The following TAFA4 variants were observed in gnomAD, a reference collection of about 807,000 sequenced individuals.
The protein encoded by TAFA4 is TAFA chemokine like family member 4, also known as chemokine-like protein TAFA-4.
Under a neutral mutation model 21.1 loss-of-function variants are expected in TAFA4, and 20 were observed. That is an observed-to-expected ratio of 0.95 (90% confidence interval 0.67 to 1.38). The LOEUF is 1.38. Ranked by LOEUF, TAFA4 falls within the 40% of genes most tolerant of loss-of-function variation. The probability of loss-of-function intolerance (pLI) is 0.00; values close to 1 mark genes in which losing one functional copy is unlikely to be tolerated. For synonymous variants in TAFA4, 71 were observed against 67.4 expected (o/e 1.05, Z -0.26); for missense variants, 211 against 180.9 (o/e 1.17, Z -0.95).
At chr3:68,803,260 A>G (rs1703615329) in intron 3 of TAFA4, among the ~76,000 whole-genome samples, 1 of 152,214 alleles carries the variant, frequency 6.6e-6, no homozygotes, top group African/African-American at 2.4e-5. Context: ...GAATAATTTA[A>G]AGAGAACAAT....
At chr3:68,738,968 G>A (rs1285113246) in intron 5 of TAFA4, 107 bp downstream of exon 5, 1 of 1,491,078 alleles carries the variant, frequency 6.7e-7, no homozygotes, top group South Asian at 1.3e-5. Context: ...GCCCAAGCAG[G>A]TTTATTAACA....
chr3:68,850,920 C>T (rs1346816479), intron 3 of TAFA4, among the ~76,000 whole-genome samples: 8 of 152,074 alleles, frequency 5.3e-5, no homozygotes, highest in Non-Finnish European at 1.5e-5. Flanking sequence ...GCTTTTGTAG[C>T]CATTGCTTTT....
At chr3:68,789,862 C>A (rs1172615389) in intron 3 of TAFA4, among the ~76,000 whole-genome samples, 2 of 152,142 alleles carry the variant, frequency 1.3e-5, no homozygotes, top group Admixed American at 1.3e-4. Flanking sequence ...ACCGTGGTAA[C>A]CTCTCACCTC....
intron 3 of TAFA4, among the ~76,000 whole-genome samples, chr3:68,870,241 G>C (rs1259440016): frequency 6.6e-6 from 1 of 152,030 alleles, no homozygotes; most frequent in Non-Finnish European, 1.5e-5. Flanking sequence ...TCATGGGTTA[G>C]AAGAATTAAT....
rs554627444 is a variant in TAFA4, at chr3:68,773,814, G to A, written c.131-20796C>T. Among the ~76,000 whole-genome samples the A allele has an allele frequency of 3.3e-5, 5 of 152,188 alleles. No homozygotes were observed. In the South Asian group the frequency reaches 8.3e-4, roughly 25 times the overall value. ...TGACAGATGAAGATTAAGAGCAGAG[G>A]CACTTAAGAAGACATGAGAAGGACA... On this transcript the variant is annotated intron_variant, in intron 3 of 5. Transcript: ENST00000295569.
chr3:68,777,325 G>A (rs1016679377), intron 3 of TAFA4, among the ~76,000 whole-genome samples: 1 of 152,030 alleles, frequency 6.6e-6, no homozygotes, highest in African/African-American at 2.4e-5. Context: ...CATATTTTAA[G>A]CTTCAGGGTA....
intron 3 of TAFA4, among the ~76,000 whole-genome samples, chr3:68,828,544 T>C (rs1704307088): frequency 6.6e-6 from 1 of 152,190 alleles, no homozygotes; most frequent in Non-Finnish European, 1.5e-5. Context: ...GGGTCCTCTT[T>C]TATTTCATTG....
chr3:68,798,165 C>A (rs1010938294), intron 3 of TAFA4, among the ~76,000 whole-genome samples: 1 of 152,064 alleles, frequency 6.6e-6, no homozygotes, highest in Non-Finnish European at 1.5e-5. Flanking sequence ...TTTTATGATA[C>A]CTAGGTACCA....
intron 3 of TAFA4, among the ~76,000 whole-genome samples, chr3:68,788,760 C>T (rs9815927): frequency 0.64 from 97,770 of 151,970 alleles, 31,714 homozygotes; most frequent in South Asian, 0.82. Context: ...TACAGGCACA[C>T]GCCACCATAC....
chr3:68,831,338 C>G (rs1395053531), intron 3 of TAFA4, among the ~76,000 whole-genome samples: 1 of 151,998 alleles, frequency 6.6e-6, no homozygotes, highest in Non-Finnish European at 1.5e-5. Flanking sequence ...TTGTCCCTTT[C>G]CATGTTTAGT....
chr3:68,791,998 C>G (rs1203989055), intron 3 of TAFA4, among the ~76,000 whole-genome samples: 1 of 152,162 alleles, frequency 6.6e-6, no homozygotes, highest in African/African-American at 2.4e-5. Context: ...AAAAAAAACT[C>G]TGAGACTGTC....
At chr3:68,797,517 G>A (rs13087317) in intron 3 of TAFA4, among the ~76,000 whole-genome samples, 22,765 of 151,118 alleles carry the variant, frequency 0.15, 2,529 homozygotes, top group East Asian at 0.32. Flanking sequence ...GGAGGCTGAG[G>A]CAGGAGAATC....
intron 4 of TAFA4, among the ~76,000 whole-genome samples, chr3:68,741,450 T>TGTAGA (rs549228686): frequency 6.2e-4 from 95 of 152,250 alleles, no homozygotes; most frequent in African/African-American, 2.1e-3. Flanking sequence ...GAGTTTTGGA[T>TGTAGA]GTAGATTTTG....
chr3:68,800,635 T>C (rs985980613), intron 3 of TAFA4, among the ~76,000 whole-genome samples: 3 of 152,082 alleles, frequency 2.0e-5, no homozygotes, highest in African/African-American at 4.8e-5. Context: ...CTATCCACAC[T>C]CAACTCCCCA....
chr3:68,861,179 G>C (rs982356694), intron 3 of TAFA4, among the ~76,000 whole-genome samples: 3 of 151,800 alleles, frequency 2.0e-5, no homozygotes, highest in Non-Finnish European at 2.9e-5. Flanking sequence ...TCTCTCGGGG[G>C]TAGTGGGGAG....
chr3:68,909,255 T>G lies in TAFA4; in HGVS notation c.-123+22985A>C, dbSNP rs189208074. ...AAGTTCTGTCTTGTGGAAGAGGAAT[T>G]AGAAATACTGTTTGCAACCCACCGG... On this transcript the variant is annotated intron_variant, in intron 1 of 5. Coordinates refer to ENST00000295569, the MANE Select transcript of TAFA4 (RefSeq NM_182522.5). Among the ~76,000 whole-genome samples the G allele has an allele frequency of 1.4e-3, 218 of 152,224 alleles. 1 individual carries two copies. Among genetic ancestry groups the G allele is most frequent in the African/African-American group, 5.1e-3 (211 of 41,532 alleles).
intron 3 of TAFA4, among the ~76,000 whole-genome samples, chr3:68,786,187 C>G (rs949311917): frequency 6.6e-6 from 1 of 152,092 alleles, no homozygotes; most frequent in African/African-American, 2.4e-5. Flanking sequence ...TAGAAAAGTA[C>G]TGGAGGACAC....
intron 4 of TAFA4, among the ~76,000 whole-genome samples, chr3:68,743,846 T>G (rs892735615): frequency 1.3e-5 from 2 of 152,172 alleles, no homozygotes; most frequent in African/African-American, 4.8e-5. Context: ...GTCTTTCTAC[T>G]GTAACACAAT....
intron 3 of TAFA4, among the ~76,000 whole-genome samples, chr3:68,871,199 T>C (rs1228075240): frequency 2.0e-5 from 3 of 152,086 alleles, no homozygotes; most frequent in Non-Finnish European, 4.4e-5. Context: ...AGCAATCCCA[T>C]TACTGAGTAT....
Sources: gnomAD v4.1 joint callset for allele counts (sites outside exome capture counted in the v4.1 genomes callset) on GRCh38, gnomAD v4.1.1 for gene constraint, MANE v1.5 for transcripts, NCBI Gene and HGNC (gene_info 2026-07-23, HGNC 2026-07-21) for gene names.